ATAD1: variants seen among roughly 807,000 people sequenced by gnomAD.
ATAD1 encodes ATPase family AAA domain containing 1.
Under a neutral mutation model 42.7 loss-of-function variants are expected in ATAD1, and 18 were observed. The ratio of observed to expected loss-of-function variants is 0.42; its 90% CI spans 0.29 to 0.63. The LOEUF (loss-of-function observed/expected upper bound fraction) is 0.63, where lower values mean the gene tolerates loss of function less well. Among genes scored for constraint, ATAD1 ranks in the 20% least tolerant of loss-of-function variants. The pLI is 0.19. For synonymous variants in ATAD1, 132 were observed against 143.1 expected (o/e 0.92, Z 0.55); for missense variants, 294 against 440.4 (o/e 0.67, Z 2.98).
intron 7 of ATAD1, among the ~76,000 whole-genome samples, chr10:87,768,916 TA>T (rs939557923): frequency 6.6e-6 from 1 of 152,000 alleles, no homozygotes; most frequent in Non-Finnish European, 1.5e-5. Flanking sequence ...GACCCGTCTG[TA>T]AAAAAATTCA....
At chr10:87,808,052 T>A (rs1295275816) in intron 2 of ATAD1, among the ~76,000 whole-genome samples, 4 of 152,234 alleles carry the variant, frequency 2.6e-5, no homozygotes, top group African/African-American at 9.6e-5. Context: ...TAATGCTTTT[T>A]TTAAATGACA....
intron 2 of ATAD1, among the ~76,000 whole-genome samples, chr10:87,809,741 C>T (rs1425891076): frequency 6.6e-6 from 1 of 151,836 alleles, no homozygotes; most frequent in Non-Finnish European, 1.5e-5. Flanking sequence ...ATTGTAACCC[C>T]CGCCTCCTGG....
chr10:87,774,385 T>C (rs1368494899), intron 6 of ATAD1, among the ~76,000 whole-genome samples: 1 of 152,174 alleles, frequency 6.6e-6, no homozygotes, highest in Non-Finnish European at 1.5e-5. Flanking sequence ...TTATAAAATT[T>C]GGCCAAGGCT....
At chr10:87,800,481 T>C (rs1267152220) in intron 2 of ATAD1, among the ~76,000 whole-genome samples, 1 of 152,142 alleles carries the variant, frequency 6.6e-6, no homozygotes, top group Admixed American at 6.5e-5. Flanking sequence ...TCTTCCAACA[T>C]AATATTCTGG....
intron 2 of ATAD1, among the ~76,000 whole-genome samples, chr10:87,807,231 A>G (rs1324456524): frequency 6.6e-6 from 1 of 152,070 alleles, no homozygotes; most frequent in Non-Finnish European, 1.5e-5. Flanking sequence ...AAATATTCAG[A>G]TTGGTTCCTG....
At chr10:87,829,234 A>ATTATTTATTTATTTATTTAT (rs71022510) in intron 1 of ATAD1, among the ~76,000 whole-genome samples, 5 of 142,928 alleles carry the variant, frequency 3.5e-5, no homozygotes, top group African/African-American at 7.8e-5. Context: ...TATTTTATTT[A>ATTATTTATTTATTTATTTAT]TTATTTATTT....
At chr10:87,838,553 C>CTGTTA (rs2132120887) in intron 1 of ATAD1, among the ~76,000 whole-genome samples, 1 of 147,768 alleles carries the variant, frequency 6.8e-6, no homozygotes, top group South Asian at 2.2e-4. Context: ...TTTTAAATGG[C>CTGTTA]TGTTATGGAT....
At chr10:87,801,344 CTAAT>C (rs980418092) in intron 2 of ATAD1, among the ~76,000 whole-genome samples, 13 of 151,074 alleles carry the variant, frequency 8.6e-5, no homozygotes, top group Admixed American at 5.3e-4. Context: ...TTTTTTTGAC[CTAAT>C]TAATTCTTTA....
intron 5 of ATAD1, among the ~76,000 whole-genome samples, chr10:87,780,126 T>C (rs1855497628): frequency 6.6e-6 from 1 of 152,198 alleles, no homozygotes; most frequent in South Asian, 2.1e-4. Flanking sequence ...GAATATTATT[T>C]AGCAATAAAA....
chr10:87,818,411 C>A (rs1401876650), upstream of ATAD1: 7 of 269,720 alleles, frequency 2.6e-5, no homozygotes, highest in African/African-American at 1.6e-4. Context: ...GCGAAGCCGG[C>A]GTGTCTGCGA....
rs574133796 is a variant in ATAD1, at chr10:87,768,006, TATA to T, written c.781-286_781-284del. 3.2e-3 allele frequency among the ~76,000 whole-genome samples: 485 copies of T among 152,310 alleles called. 2 individuals carry two copies. Among genetic ancestry groups the T allele is most frequent in the Middle Eastern group, 6.8e-3 (2 of 294 alleles). Reference sequence around the variant, plus strand: ...TAATGAGTAAATGAATATCTATGACTATAATGTCTTCCCTCTATAGTTCAGCAA... The same window carrying T: ...TAATGAGTAAATGAATATCTATGACTATGTCTTCCCTCTATAGTTCAGCAA... On this transcript the variant is annotated intron_variant, in intron 7 of 9. Transcript: ENST00000680024.
chr10:87,763,363 G>A (rs1350930877), intron 8 of ATAD1, among the ~76,000 whole-genome samples: 1 of 152,100 alleles, frequency 6.6e-6, no homozygotes, highest in African/African-American at 2.4e-5. Flanking sequence ...ATTTTGATAT[G>A]TTTTAAGGCA....
intron 2 of ATAD1, among the ~76,000 whole-genome samples, chr10:87,798,895 T>C (rs959444190): frequency 1.6e-4 from 25 of 152,084 alleles, no homozygotes; most frequent in Non-Finnish European, 2.9e-5. Flanking sequence ...GAAAATAAAA[T>C]TTTTATGAAT....
At chr10:87,792,197 C>G (rs1350871703) in intron 3 of ATAD1, among the ~76,000 whole-genome samples, 7 of 152,210 alleles carry the variant, frequency 4.6e-5, no homozygotes. Context: ...GAACAGCTCA[C>G]TGTGCCTAAA....
intron 1 of ATAD1, among the ~76,000 whole-genome samples, chr10:87,834,811 G>T (rs1392432203): frequency 6.6e-6 from 1 of 151,490 alleles, no homozygotes; most frequent in African/African-American, 2.4e-5. Flanking sequence ...CTTGATTTGG[G>T]TTTATTTTAT....
At chr10:87,814,864 C>A in intron 1 of ATAD1, 1 of 228,716 alleles carries the variant, frequency 4.4e-6, no homozygotes, top group Non-Finnish European at 8.5e-6. Context: ...TAGAATTAAT[C>A]ATTTTATTTG....
In ATAD1 at chr10:87,767,545, T is replaced by C. The variant is rs1854817608; in HGVS notation, c.831+128A>G. On this transcript the variant is annotated intron_variant, in intron 8 of 9. Coordinates refer to ENST00000680024, the MANE Select transcript of ATAD1 (RefSeq NM_001321967.2). Reference sequence around the variant, plus strand: ...CTAACAGGCCATAGACCAGTACCAGTCTGTGGCTGCAGGGGCTGGAGATCC... The same window carrying C: ...CTAACAGGCCATAGACCAGTACCAGCCTGTGGCTGCAGGGGCTGGAGATCC... The C allele has an allele frequency of 5.0e-5, 44 of 876,786 alleles. No individual in the cohort carries two copies. In the South Asian group the frequency reaches 5.8e-4, roughly 11 times the overall value. The allele number at this position is 876,786 out of a possible 1,614,324, so 54.3% of individuals were successfully genotyped here. A position where few individuals can be genotyped will look rare whatever the true frequency, so the allele number is the denominator to read the frequency against.
intron 2 of ATAD1, among the ~76,000 whole-genome samples, chr10:87,794,095 C>T (rs1043591448): frequency 4.6e-5 from 7 of 152,114 alleles, no homozygotes; most frequent in Non-Finnish European, 7.4e-5. Flanking sequence ...TAGTACACGC[C>T]TGTAGTCCTA....
upstream of ATAD1, among the ~76,000 whole-genome samples, chr10:87,820,698 G>T (rs757745920): frequency 6.6e-6 from 1 of 152,150 alleles, no homozygotes; most frequent in Non-Finnish European, 1.5e-5. Flanking sequence ...CAGTGGTTCA[G>T]CCACTGGAAA....
Sources: gnomAD v4.1 joint callset for allele counts (sites outside exome capture counted in the v4.1 genomes callset) on GRCh38, gnomAD v4.1.1 for gene constraint, MANE v1.5 for transcripts, NCBI Gene and HGNC (gene_info 2026-07-23, HGNC 2026-07-21) for gene names.